Variants in MUSK observed in about 807,000 individuals in gnomAD.
MUSK encodes the protein muscle associated receptor tyrosine kinase.
Under a neutral mutation model 88.7 loss-of-function variants are expected in MUSK, and 55 were observed. The ratio of observed to expected loss-of-function variants is 0.62; its 90% CI spans 0.50 to 0.78. The LOEUF (loss-of-function observed/expected upper bound fraction) is 0.78. Among genes scored for constraint, MUSK ranks in the 30% least tolerant of loss-of-function variants. The pLI, the probability that MUSK is intolerant of heterozygous loss-of-function variation, is 0.00. For synonymous variants in MUSK, 387 were observed against 391.9 expected (o/e 0.99, Z 0.15); for missense variants, 1,015 against 1,074.3 (o/e 0.94, Z 0.77).
intron 5 of MUSK, among the ~76,000 whole-genome samples, chr9:110,710,920 T>C (rs1410229182): frequency 6.6e-6 from 1 of 152,114 alleles, no homozygotes; most frequent in Non-Finnish European, 1.5e-5. Flanking sequence ...TTTAGTGCCA[T>C]AAAAAATGAT....
At chr9:110,734,177 G>C in intron 5 of MUSK, 74 bp from the exon 6 acceptor site, 2 of 1,491,982 alleles carry the variant, frequency 1.3e-6, no homozygotes, top group Non-Finnish European at 1.8e-6. Context: ...GGTCTAATTT[G>C]CATTTCTAAA....
chr9:110,671,171 C>T lies in MUSK; in HGVS notation c.79+2188C>T, dbSNP rs548287251. ...ATTTTTAGTAGAGACAGGGTTTCAC[C>T]ATGTTGGCCAAGATGGTCTCCATCT... On this transcript the variant is annotated intron_variant, in intron 1 of 14. Transcript: ENST00000374448. 1.3e-3 allele frequency among the ~76,000 whole-genome samples: 193 copies of T among 152,128 alleles called. No individual in the cohort carries two copies. The Middle Eastern group carries it at 0.014, about 11-fold the overall frequency.
chr9:110,689,137 TAAAC>T (rs967625944), intron 3 of MUSK, among the ~76,000 whole-genome samples: 1 of 131,558 alleles, frequency 7.6e-6, no homozygotes, highest in Non-Finnish European at 1.5e-5. Flanking sequence ...ACTACATAAA[TAAAC>T]TATATATTTA....
chr9:110,703,114 C>T (rs1018654381), intron 5 of MUSK, among the ~76,000 whole-genome samples: 1 of 152,206 alleles, frequency 6.6e-6, no homozygotes, highest in Admixed American at 6.5e-5. Flanking sequence ...CAGAAAACAA[C>T]CTACCTTGAG....
Position 110,800,846 on chromosome 9 carries a change from G to T in MUSK, c.2468G>T (p.Cys823Phe), listed in dbSNP as rs745452778. 1 of 1,609,318 alleles carries T rather than the reference G, an allele frequency of 6.2e-7. No individual in the cohort carries two copies. Among genetic ancestry groups the T allele is most frequent in the East Asian group, 2.2e-5 (1 of 44,802 alleles). The change falls in exon 15 of 15, where the codon TGC becomes TTC. Residue 823 changes from cysteine (C) to phenylalanine (F), a missense_variant. Transcript: ENST00000374448. The stretch of plus-strand genomic sequence containing the variant: ...GTGCGAGATGGCAACATCCTCTCCT[G>T]CCCTGAGAACTGCCCCGTGGAGCTG... ...YYVRDGNILS[C>F]PENCPVELYN...
intron 5 of MUSK, among the ~76,000 whole-genome samples, chr9:110,706,730 A>C (rs2076604165): frequency 6.6e-6 from 1 of 152,154 alleles, no homozygotes; most frequent in Admixed American, 6.5e-5. Context: ...AGGGCCAACC[A>C]TAGTGGCTCA....
At chr9:110,765,838 T>C (rs1357285790) in intron 8 of MUSK, among the ~76,000 whole-genome samples, 1 of 152,090 alleles carries the variant, frequency 6.6e-6, no homozygotes, top group Non-Finnish European at 1.5e-5. Flanking sequence ...CCTCCCAAAG[T>C]GCTGGGATTA....
chr9:110,722,248 G>A (rs938942889), intron 5 of MUSK, among the ~76,000 whole-genome samples: 5 of 152,040 alleles, frequency 3.3e-5, no homozygotes, highest in Non-Finnish European at 5.9e-5. Context: ...GATGGGACTT[G>A]GCCGGGTGCA....
chr9:110,717,140 C>T lies in MUSK; in HGVS notation c.629-17111C>T, dbSNP rs138834795. 1.8e-4 allele frequency among the ~76,000 whole-genome samples: 27 copies of T among 149,484 alleles called. 1 individual carries two copies. The East Asian group carries it at 2.3e-3, about 13-fold the overall frequency. On this transcript the variant is annotated intron_variant, in intron 5 of 14. Transcript: ENST00000374448. The stretch of plus-strand genomic sequence containing the variant: ...AAATTTATTTCTATTATTCTTTAGA[C>T]GATTTCTATCATGTATTATGCTGTT...
rs1268488697 is a variant in MUSK at position 110,727,686 on chromosome 9, G to T, written c.629-6565G>T. On this transcript the variant is annotated intron_variant, in intron 5 of 14. Transcript: ENST00000374448. ...TGTTCAGGTCCACAAACTCAGGCTGGATAATATCAATTATGTTCAATTACA... is the reference window on the plus strand; with the variant it reads ...TGTTCAGGTCCACAAACTCAGGCTGTATAATATCAATTATGTTCAATTACA... The T allele has an allele frequency of 2.3e-5, 4 of 171,438 alleles. No homozygotes were observed. The East Asian group carries it at 4.5e-4, about 19-fold the overall frequency. The allele number at this position is 171,438 out of a possible 1,614,324, so 10.6% of individuals were successfully genotyped here.
chr9:110,697,056 T>C (rs2076439580), intron 4 of MUSK, among the ~76,000 whole-genome samples: 1 of 147,176 alleles, frequency 6.8e-6, no homozygotes, highest in African/African-American at 2.5e-5. Context: ...CATATACATA[T>C]TATATATATA....
chr9:110,799,319 T>C (rs1292584272), intron 14 of MUSK, among the ~76,000 whole-genome samples: 1 of 152,208 alleles, frequency 6.6e-6, no homozygotes, highest in Non-Finnish European at 1.5e-5. Context: ...TTATCTAATA[T>C]TCCAAGTTCT....
chr9:110,708,091 C>CCTATCTAT (rs34403055), intron 5 of MUSK, among the ~76,000 whole-genome samples: 4,686 of 148,660 alleles, frequency 0.032, 91 homozygotes, highest in East Asian at 0.055. Context: ...ATAAATAATT[C>CCTATCTAT]CTATCTATCT....
chr9:110,688,965 T>C (rs1323532505), intron 3 of MUSK, among the ~76,000 whole-genome samples: 1 of 145,124 alleles, frequency 6.9e-6, no homozygotes, highest in East Asian at 2.0e-4. Context: ...TATAAATACA[T>C]ACATATATTT....
chr9:110,692,412 G>A (rs752272431), intron 3 of MUSK, among the ~76,000 whole-genome samples: 1 of 152,024 alleles, frequency 6.6e-6, no homozygotes, highest in African/African-American at 2.4e-5. Context: ...GTGCTCAAGT[G>A]ATCCTCCCAC....
At chr9:110,677,081 T>G (rs1354452935) in intron 1 of MUSK, among the ~76,000 whole-genome samples, 2 of 152,148 alleles carry the variant, frequency 1.3e-5, no homozygotes, top group Non-Finnish European at 2.9e-5. Context: ...CACATAAATC[T>G]GCTTTCTCAG....
chr9:110,688,908 T>G (rs1457166501), intron 3 of MUSK, among the ~76,000 whole-genome samples: 1 of 147,488 alleles, frequency 6.8e-6, no homozygotes, highest in Non-Finnish European at 1.5e-5. Flanking sequence ...TTATTGTTTT[T>G]TTGTTATATA....
chr9:110,788,827 T>C (rs2077922928), intron 14 of MUSK, among the ~76,000 whole-genome samples: 1 of 152,146 alleles, frequency 6.6e-6, no homozygotes, highest in Admixed American at 6.5e-5. Flanking sequence ...ATTACATTTA[T>C]ATAAAGACCT....
intron 5 of MUSK, among the ~76,000 whole-genome samples, chr9:110,715,615 G>A (rs1360242176): frequency 6.8e-6 from 1 of 148,090 alleles, no homozygotes; most frequent in Non-Finnish European, 1.5e-5. Context: ...TAATGAAATG[G>A]CACTATGAAA....
Sources: gnomAD v4.1 joint callset for allele counts (sites outside exome capture counted in the v4.1 genomes callset) on GRCh38, gnomAD v4.1.1 for gene constraint, MANE v1.5 for transcripts, NCBI Gene and HGNC (gene_info 2026-07-23, HGNC 2026-07-21) for gene names.